CPA6: variants seen among roughly 807,000 people sequenced by gnomAD.
CPA6 encodes carboxypeptidase B.
A neutral mutation model predicts 63.3 loss-of-function variants in CPA6; 58 were observed. The ratio of observed to expected loss-of-function variants is 0.92; its 90% CI spans 0.74 to 1.14. The LOEUF (loss-of-function observed/expected upper bound fraction) is 1.14, where lower values mean the gene tolerates loss of function less well. Ranked by LOEUF, CPA6 falls within the 50% of genes most tolerant of loss-of-function variation. The pLI is 0.00. For synonymous variants in CPA6, 185 were observed against 179.0 expected (o/e 1.03, Z -0.27); for missense variants, 565 against 526.6 (o/e 1.07, Z -0.71).
At chr8:67,504,455 C>G (rs558231921) in intron 6 of CPA6, among the ~76,000 whole-genome samples, 1 of 152,126 alleles carries the variant, frequency 6.6e-6, no homozygotes, top group Non-Finnish European at 1.5e-5. Flanking sequence ...ACAAAAGAAC[C>G]GTGGTTTCCA....
At chr8:67,508,813 G>C (rs1563980556) in intron 5 of CPA6, among the ~76,000 whole-genome samples, 1 of 152,132 alleles carries the variant, frequency 6.6e-6, no homozygotes, top group Non-Finnish European at 1.5e-5. Context: ...AGAGAATGCA[G>C]GGTCAAGGGA....
At position 67,518,001 on chromosome 8, in the gene CPA6, G is replaced by C. The variant is rs61738010; in HGVS notation, c.239C>G (p.Thr80Arg). 23 of 1,612,818 alleles carry C rather than the reference G, an allele frequency of 1.4e-5. No homozygotes were observed. Among genetic ancestry groups the C allele is most frequent in the South Asian group, 2.2e-5 (2 of 90,852 alleles). ...PSSISYVSEG[T>R]VTDVHIPQNG... is the part of the protein sequence containing the mutation. ...TTGGGGGATATGGACATCAGTAACT[G>C]TTCCCTCTGATACATAGGAGATACT... The change falls in exon 3 of 11, where the codon ACA (threonine) becomes AGA (arginine). Residue 80 changes from threonine (T) to arginine (R), a missense_variant. Physicochemically the swap from Thr to Arg is moderately conservative, Grantham distance 71. Coordinates refer to ENST00000297770, the MANE Select transcript of CPA6 (RefSeq NM_020361.5).
At position 67,424,476 on chromosome 8, in the gene CPA6, A is replaced by G. The variant is rs548809651; in HGVS notation, c.1127-1785T>C. The stretch of plus-strand genomic sequence containing the variant: ...GGAAGAAATGCTCCCTGTCTTTTAC[A>G]TGCGTCACCTCTTGATACTGTTGGT... On this transcript the variant is annotated intron_variant, in intron 10 of 10. Coordinates refer to ENST00000297770, the MANE Select transcript of CPA6 (RefSeq NM_020361.5). 9.2e-4 allele frequency among the ~76,000 whole-genome samples: 140 copies of G among 152,190 alleles called. 1 individual carries two copies. The highest frequency in any genetic ancestry group is 3.4e-3 in the Middle Eastern group (1 of 294).
At chr8:67,701,702 C>T (rs1817027802) in intron 1 of CPA6, among the ~76,000 whole-genome samples, 1 of 152,208 alleles carries the variant, frequency 6.6e-6, no homozygotes, top group South Asian at 2.1e-4. Flanking sequence ...TGAAGAATTA[C>T]TTTATGCACA....
chr8:67,715,573 T>C (rs1288308377), intron 1 of CPA6, among the ~76,000 whole-genome samples: 1 of 152,218 alleles, frequency 6.6e-6, no homozygotes, highest in Non-Finnish European at 1.5e-5. Context: ...TCTGATTACA[T>C]ATACAAGGAA....
At chr8:67,527,589 C>A (rs1203101352) in intron 2 of CPA6, among the ~76,000 whole-genome samples, 3 of 152,134 alleles carry the variant, frequency 2.0e-5, no homozygotes, top group Admixed American at 6.5e-5. Flanking sequence ...ACTTAATGTG[C>A]TTTTTTGAGT....
chr8:67,642,015 T>G (rs1242672777), intron 1 of CPA6, among the ~76,000 whole-genome samples: 3 of 152,140 alleles, frequency 2.0e-5, no homozygotes, highest in Non-Finnish European at 4.4e-5. Flanking sequence ...GGGAGGAAAT[T>G]ATAAAATTTG....
intron 2 of CPA6, among the ~76,000 whole-genome samples, chr8:67,536,282 C>A (rs1396959978): frequency 6.6e-6 from 1 of 152,074 alleles, no homozygotes. Flanking sequence ...TACATTACTT[C>A]TGGAAGTATG....
chr8:67,537,242 A>G (rs1025511986), intron 2 of CPA6, among the ~76,000 whole-genome samples: 3 of 151,934 alleles, frequency 2.0e-5, no homozygotes, highest in Non-Finnish European at 4.4e-5. Flanking sequence ...CTCTTTTTCT[A>G]TTGTTTGGAA....
At chr8:67,642,603 T>A (rs1420857680) in intron 1 of CPA6, among the ~76,000 whole-genome samples, 1 of 152,148 alleles carries the variant, frequency 6.6e-6, no homozygotes, top group African/African-American at 2.4e-5. Flanking sequence ...TATGAAGTTA[T>A]AGTAATTAGG....
chr8:67,512,710 G>A (rs1812066405), intron 3 of CPA6, among the ~76,000 whole-genome samples: 1 of 151,532 alleles, frequency 6.6e-6, no homozygotes, highest in Admixed American at 6.6e-5. Flanking sequence ...CCTGGGCCTG[G>A]CAGGTAGCTA....
At chr8:67,654,925 G>A (rs1240423606) in intron 1 of CPA6, among the ~76,000 whole-genome samples, 1 of 152,128 alleles carries the variant, frequency 6.6e-6, no homozygotes, top group East Asian at 1.9e-4. Flanking sequence ...TGCTCGCTCT[G>A]AAACTTGAGG....
At chr8:67,473,818 G>A (rs925935239) in intron 8 of CPA6, among the ~76,000 whole-genome samples, 1 of 152,016 alleles carries the variant, frequency 6.6e-6, no homozygotes, top group Non-Finnish European at 1.5e-5. Context: ...TGTTGCCCAG[G>A]CTGGTCTCGA....
chr8:67,496,654 C>T (rs1410671181), intron 6 of CPA6, among the ~76,000 whole-genome samples: 5 of 150,308 alleles, frequency 3.3e-5, no homozygotes, highest in South Asian at 4.2e-4. Context: ...TCCGCCTCCC[C>T]GGTTCAAGCG....
chr8:67,475,999 T>C (rs143582606), intron 8 of CPA6, among the ~76,000 whole-genome samples: 27 of 149,194 alleles, frequency 1.8e-4, no homozygotes, highest in Admixed American at 3.4e-4. Flanking sequence ...CTTCCTTCCT[T>C]CCTTCCTTCT....
intron 1 of CPA6, among the ~76,000 whole-genome samples, chr8:67,683,778 C>T (rs948164933): frequency 6.6e-6 from 1 of 151,874 alleles, no homozygotes; most frequent in South Asian, 2.1e-4. Context: ...TGTTTTTGCT[C>T]TTATTACCCA....
At chr8:67,469,287 C>T (rs1811002925) in intron 8 of CPA6, among the ~76,000 whole-genome samples, 1 of 152,106 alleles carries the variant, frequency 6.6e-6, no homozygotes, top group South Asian at 2.1e-4. Context: ...GGGTGGGCCT[C>T]ATCCAATCAG....
At chr8:67,535,124 G>T (rs994017554) in intron 2 of CPA6, among the ~76,000 whole-genome samples, 4 of 152,138 alleles carry the variant, frequency 2.6e-5, no homozygotes, top group Non-Finnish European at 4.4e-5. Context: ...ATGGGCATTT[G>T]GGTTGGTTGG....
chr8:67,535,046 C>A (rs1181979672), intron 2 of CPA6, among the ~76,000 whole-genome samples: 5 of 152,152 alleles, frequency 3.3e-5, no homozygotes, highest in Non-Finnish European at 1.5e-5. Flanking sequence ...TGAAATCATT[C>A]TTTTTCATGG....
Sources: gnomAD v4.1 joint callset for allele counts (sites outside exome capture counted in the v4.1 genomes callset) on GRCh38, gnomAD v4.1.1 for gene constraint, MANE v1.5 for transcripts, NCBI Gene and HGNC (gene_info 2026-07-23, HGNC 2026-07-21) for gene names.